The following ERMN variants were observed in gnomAD, a reference collection of about 807,000 sequenced individuals.
ERMN encodes ermin, ERM-like protein.
Under a neutral mutation model 21.4 loss-of-function variants are expected in ERMN, and 17 were observed. The observed-to-expected ratio is 0.80, with a 90% CI of 0.54 to 1.19. The LOEUF is 1.19. Among genes scored for constraint, ERMN ranks in the 50% most tolerant of loss-of-function variants. The pLI is 0.00. For missense variants in ERMN, 348 were observed against 331.6 expected, an observed-to-expected ratio of 1.05 and a Z score of -0.38; for synonymous variants, 115 against 111.9, an observed-to-expected ratio of 1.03 and a Z score of -0.17.
Position 157,324,744 on chromosome 2 carries a change from A to G in ERMN, c.260T>C (p.Leu87Pro). The change falls in exon 2 of 3, where the codon CTC becomes CCC. Residue 87 changes from leucine (L) to proline (P), a missense_variant. Transcript: ENST00000410096. ...KMLKENPEEK[L>P]FIVHKAITDL... Reference sequence around the variant, plus strand: ...TGTGATAGCCTTATGAACAATAAAGAGTTTCTCTTCTGGGTTTTCTAGGAA... The same window carrying G: ...TGTGATAGCCTTATGAACAATAAAGGGTTTCTCTTCTGGGTTTTCTAGGAA... 6.2e-7 allele frequency: 1 copy of G among 1,610,918 alleles called. No homozygotes were observed. Among genetic ancestry groups the G allele is most frequent in the Non-Finnish European group, 8.5e-7 (1 of 1,178,820 alleles).
At chr2:157,325,286 A>G in intron 1 of ERMN, 116 bp downstream of exon 1, 2 of 1,356,030 alleles carry the variant, frequency 1.5e-6, no homozygotes, top group Admixed American at 1.8e-5. Flanking sequence ...TGCGTAGTAG[A>G]ATAAAGGGCT....
chr2:157,326,162 T>C (rs1684064054), upstream of ERMN, among the ~76,000 whole-genome samples: 1 of 152,234 alleles, frequency 6.6e-6, no homozygotes, highest in South Asian at 2.1e-4. Context: ...CAGCTTAACA[T>C]TTCCAAACAG....
chr2:157,324,605 A>G, intron 2 of ERMN, 65 bp downstream of exon 2: 14 of 1,300,088 alleles, frequency 1.1e-5, no homozygotes, highest in Admixed American at 1.8e-5. Flanking sequence ...GCAACATTTC[A>G]TGGAAAGACT....
chr2:157,321,294 A>G lies in ERMN; in HGVS notation c.832T>C (p.Phe278Leu). The G allele has an allele frequency of 6.2e-7, 1 of 1,613,484 alleles. No homozygotes were observed. The highest frequency in any genetic ancestry group is 1.3e-5 in the African/African-American group (1 of 75,004). ...GTTTATAAATGCATCATAGACTCGA[A>G]TTCATCAATTCTTTGCTTGGTATTT... is the stretch of plus-strand genomic sequence containing the variant. ...KGNTKQRIDE[F>L]ESMMHL is the part of the protein sequence containing the mutation. Residue 278 changes from phenylalanine (F) to leucine (L), a missense_variant, in exon 3 of 3, where the codon TTC becomes CTC. Physicochemically the swap from Phe to Leu is conservative, Grantham distance 22 (BLOSUM62 0). Transcript: ENST00000410096.
In ERMN at chr2:157,325,473, CTT is replaced by C; in HGVS notation, c.168_169del (p.Gln58GlyfsTer34). ...TTGTAATTTTCTTCTTTCCTCCTGACTTCCTTTGGTGAGTGCACCTTCCAGAC... is the reference window on the plus strand; with the variant it reads ...TTGTAATTTTCTTCTTTCCTCCTGACCCTTTGGTGAGTGCACCTTCCAGAC... On this transcript the variant is annotated frameshift_variant, in exon 1 of 3. Coordinates refer to ENST00000410096, the MANE Select transcript of ERMN (RefSeq NM_020711.3). LOFTEE classifies it high-confidence loss of function. 1 of 1,614,170 alleles carries C rather than the reference CTT, an allele frequency of 6.2e-7. No homozygotes were observed. The highest frequency in any genetic ancestry group is 1.1e-5 in the South Asian group (1 of 91,080).
chr2:157,322,341 C>T (rs537013998), intron 2 of ERMN, among the ~76,000 whole-genome samples: 2 of 152,206 alleles, frequency 1.3e-5, no homozygotes, highest in Non-Finnish European at 2.9e-5. Flanking sequence ...AAAATGATGA[C>T]TGTCCATGTC....
In ERMN at chr2:157,319,554, C is replaced by T. The variant is rs1295160636; in HGVS notation, c.*1717G>A. ...ATCAGTAACCTAGAAAAGAAAACAG[C>T]TTGTCCATGTAGAAAGATTAGAGGA... On this transcript the variant is annotated 3_prime_UTR_variant, in exon 3 of 3. Coordinates refer to ENST00000410096, the MANE Select transcript of ERMN (RefSeq NM_020711.3). 1.3e-5 allele frequency: 2 copies of T among 152,106 alleles called. No individual in the cohort carries two copies. Among genetic ancestry groups the T allele is most frequent in the African/African-American group, 4.8e-5 (2 of 41,420 alleles). 9.4% of individuals were successfully genotyped at this position (152,106 alleles called of 1,614,324 possible).
chr2:157,324,589 G>T, intron 2 of ERMN, 81 bp downstream of exon 2: 3 of 1,120,808 alleles, frequency 2.7e-6, no homozygotes, highest in South Asian at 1.3e-5. Context: ...TCAACCCCAC[G>T]CTCATGCAAC....
In ERMN at chr2:157,321,587, T is replaced by C. The variant is rs769986922; in HGVS notation, c.539A>G (p.Lys180Arg). The change falls in exon 3 of 3, where the codon AAG becomes AGG. Residue 180 changes from lysine to arginine, a missense_variant. Transcript: ENST00000410096. Reference protein sequence around the residue: ...MLHSKHDEEQKVWDEEIDDDD... With the variant: ...MLHSKHDEEQRVWDEEIDDDD... ...ATCATCAATTTCTTCATCCCAAACC[T>C]TCTGCTCCTCATCATGTTTAGAATG... The C allele has an allele frequency of 3.1e-6, 5 of 1,614,098 alleles. No individual in the cohort carries two copies. In the South Asian group the frequency reaches 4.4e-5, roughly 14 times the overall value.
At position 157,320,427 on chromosome 2, in the gene ERMN, G is replaced by T. The variant is rs934942558; in HGVS notation, c.*844C>A. 6.6e-6 allele frequency: 1 copy of T among 152,550 alleles called. No individual in the cohort carries two copies. Among genetic ancestry groups the T allele is most frequent in the Admixed American group, 6.6e-5 (1 of 15,256 alleles). The allele number at this position is 152,550 out of a possible 1,614,324, so 9.4% of individuals were successfully genotyped here. A position where few individuals can be genotyped will look rare whatever the true frequency, so the allele number is the denominator to read the frequency against. ...AGAGAAAATGTGGTAATAGAGAGGGGCATTTTCTTAAAATTGTGCTAAAGC... is the reference window on the plus strand; with the variant it reads ...AGAGAAAATGTGGTAATAGAGAGGGTCATTTTCTTAAAATTGTGCTAAAGC... On this transcript the variant is annotated 3_prime_UTR_variant, in exon 3 of 3. Transcript: ENST00000410096.
At chr2:157,322,574 G>A (rs1683940034) in intron 2 of ERMN, among the ~76,000 whole-genome samples, 1 of 152,196 alleles carries the variant, frequency 6.6e-6, no homozygotes, top group Non-Finnish European at 1.5e-5. Context: ...CACCGTGAGA[G>A]TCTATAAGTA....
Position 157,321,276 on chromosome 2 carries a change from A to G in ERMN, c.850T>C (p.Leu284=). 6.2e-7 allele frequency: 1 copy of G among 1,611,726 alleles called. No individual in the cohort carries two copies. Among genetic ancestry groups the G allele is most frequent in the East Asian group, 2.2e-5 (1 of 44,828 alleles). Reference sequence around the variant, plus strand: ...ATTTCTCAGTTCCAGTTAGTTTATAAATGCATCATAGACTCGAATTCATCA... The same window carrying G: ...ATTTCTCAGTTCCAGTTAGTTTATAGATGCATCATAGACTCGAATTCATCA... ...RIDEFESMMH[L] Residue 284 remains leucine, a synonymous_variant, in exon 3 of 3, where the codon TTA becomes CTA. Transcript: ENST00000410096.
At position 157,321,738 on chromosome 2, in the gene ERMN, GTCT is replaced by G. The variant is rs781158950; in HGVS notation, c.385_387del (p.Arg129del). 7 of 1,613,404 alleles carry G rather than the reference GTCT, an allele frequency of 4.3e-6. No homozygotes were observed. Among genetic ancestry groups the G allele is most frequent in the Non-Finnish European group, 5.9e-6 (7 of 1,179,888 alleles). ...GGCTGCTCAGTAATCCTCTCCTTCTGTCTTCTTATTTCCTGGTTACTGCCACTC... is the reference window on the plus strand; with the variant it reads ...GGCTGCTCAGTAATCCTCTCCTTCTGTCTTATTTCCTGGTTACTGCCACTC... On this transcript the variant is annotated inframe_deletion, in exon 3 of 3. Transcript: ENST00000410096.
chr2:157,321,928 C>T, intron 2 of ERMN, 137 bp from the exon 3 acceptor site: 1 of 781,880 alleles, frequency 1.3e-6, no homozygotes, highest in Non-Finnish European at 2.0e-6. Context: ...CTGTGGGTTA[C>T]CAATATGTTT....
chr2:157,321,122 T>C lies in ERMN; in HGVS notation c.*149A>G. The C allele has an allele frequency of 8.4e-7, 1 of 1,193,420 alleles. No homozygotes were observed. 73.9% of individuals were successfully genotyped at this position (1,193,420 alleles called of 1,614,324 possible). A position where few individuals can be genotyped will look rare whatever the true frequency, so the allele number is the denominator to read the frequency against. ...ATCAGACTGAATTTTTATCTAGGGT[T>C]ATTTCCACATTATTCTACAGTGAAA... On this transcript the variant is annotated 3_prime_UTR_variant, in exon 3 of 3. Transcript: ENST00000410096.
chr2:157,319,522 AG>A lies in ERMN; in HGVS notation c.*1748del, dbSNP rs1187455711. 6.6e-6 allele frequency: 1 copy of A among 152,192 alleles called. No homozygotes were observed. Among genetic ancestry groups the A allele is most frequent in the African/African-American group, 2.4e-5 (1 of 41,446 alleles). The allele number at this position is 152,192 out of a possible 1,614,324, so 9.4% of individuals were successfully genotyped here. Reference sequence around the variant, plus strand: ...GTTTTGAAGTTAAGTCGAAAATTGTAGGGGTTATCAGTAACCTAGAAAAGAA... The same window carrying A: ...GTTTTGAAGTTAAGTCGAAAATTGTAGGGTTATCAGTAACCTAGAAAAGAA... On this transcript the variant is annotated 3_prime_UTR_variant, in exon 3 of 3. Coordinates refer to ENST00000410096, the MANE Select transcript of ERMN (RefSeq NM_020711.3).
At chr2:157,322,233 TACACACACACACGCACACACAC>T (rs1683928147) in intron 2 of ERMN, among the ~76,000 whole-genome samples, 2 of 145,460 alleles carry the variant, frequency 1.4e-5, no homozygotes, top group Admixed American at 1.4e-4. Flanking sequence ...TTCTCACACA[TACACACACACACGCACACACAC>T]ACACACACAC....
chr2:157,324,870 T>G, intron 1 of ERMN, 108 bp from the exon 2 acceptor site: 1 of 692,812 alleles, frequency 1.4e-6, no homozygotes, highest in East Asian at 3.0e-5. Flanking sequence ...ATTTTAAATC[T>G]GATCATTAAA....
upstream of ERMN, among the ~76,000 whole-genome samples, chr2:157,326,532 T>C (rs1321384749): frequency 6.6e-6 from 1 of 152,242 alleles, no homozygotes; most frequent in Admixed American, 6.5e-5. Flanking sequence ...TCCTTTCTAT[T>C]CCATACTGAT....
Sources: allele counts gnomAD v4.1 joint callset (sites outside exome capture counted in the v4.1 genomes callset), GRCh38; gene constraint gnomAD v4.1.1; transcripts MANE v1.5; gene names NCBI Gene and HGNC (gene_info 2026-07-23, HGNC 2026-07-21).